The following SYN3 variants were observed in gnomAD, a reference collection of about 807,000 sequenced individuals.
The protein encoded by SYN3 is synapsin-3.
In SYN3, 35 loss-of-function variants were observed where a neutral mutation model predicts 65.8. The observed-to-expected ratio is 0.53, with a 90% confidence interval of 0.41 to 0.70. The LOEUF (loss-of-function observed/expected upper bound fraction) is 0.70. Among genes scored for constraint, SYN3 ranks in the 30% least tolerant of loss-of-function variants. The pLI is 0.00. For missense variants in SYN3, 680 were observed against 749.0 expected (o/e 0.91, Z 1.08); for synonymous variants, 270 against 292.9 (o/e 0.92, Z 0.80).
intron 12 of SYN3, among the ~76,000 whole-genome samples, chr22:32,520,159 A>G (rs1353713458): frequency 2.0e-5 from 3 of 152,082 alleles, no homozygotes; most frequent in Non-Finnish European, 4.4e-5. Flanking sequence ...ATAATTTTTA[A>G]TTAAAGAGAT....
intron 2 of SYN3, among the ~76,000 whole-genome samples, chr22:32,981,383 C>T (rs977264497): frequency 6.6e-6 from 1 of 151,338 alleles, no homozygotes; most frequent in African/African-American, 2.4e-5. Flanking sequence ...GTGAGGAGTT[C>T]GAGACCAGTC....
At chr22:32,765,786 C>A (rs1345039670) in intron 6 of SYN3, among the ~76,000 whole-genome samples, 1 of 152,158 alleles carries the variant, frequency 6.6e-6, no homozygotes, top group Non-Finnish European at 1.5e-5. Context: ...AGATCACACA[C>A]CACTGAATGC....
chr22:32,537,951 C>G, intron 9 of SYN3, 85 bp downstream of exon 9: 6,599 of 1,097,238 alleles, frequency 6.0e-3, no homozygotes, highest in Non-Finnish European at 8.4e-3. Flanking sequence ...GGCGGAGTGG[C>G]CTTCTCTTCA....
At chr22:32,578,926 T>G (rs2058895291) in intron 7 of SYN3, among the ~76,000 whole-genome samples, 1 of 152,206 alleles carries the variant, frequency 6.6e-6, no homozygotes, top group Non-Finnish European at 1.5e-5. Context: ...TGTGCACAAA[T>G]AAGCAGGGCC....
chr22:33,010,771 A>T (rs73162064), intron 1 of SYN3, among the ~76,000 whole-genome samples: 29,034 of 152,182 alleles, frequency 0.19, 2,870 homozygotes, highest in Non-Finnish European at 0.21. Context: ...TGAACACAGT[A>T]GACCCCTCTA....
intron 6 of SYN3, among the ~76,000 whole-genome samples, chr22:32,735,343 A>G (rs1452482531): frequency 6.6e-6 from 1 of 152,194 alleles, no homozygotes; most frequent in Admixed American, 6.5e-5. Context: ...TAATATATGT[A>G]AAGTGCTTAG....
rs531262638 is a variant in SYN3, at chr22:32,643,560, G to GA, written c.712-46825_712-46824insT. 1.5e-4 allele frequency among the ~76,000 whole-genome samples: 19 copies of GA among 126,666 alleles called. No homozygotes were observed. In the South Asian group the frequency reaches 5.0e-3, roughly 33 times the overall value. The allele number at this position is 126,666 out of a possible 152,430, so 83.1% of individuals were successfully genotyped here. On this transcript the variant is annotated intron_variant, in intron 6 of 13. Transcript: ENST00000358763. The stretch of plus-strand genomic sequence containing the variant: ...CAAATTAGAAATGGTGGGGGGGCGG[G>GA]GGGGGCAGAACAGACCCATAAAGGA...
At chr22:32,598,792 T>A (rs75992111) in intron 6 of SYN3, among the ~76,000 whole-genome samples, 4 of 150,930 alleles carry the variant, frequency 2.7e-5, no homozygotes, top group East Asian at 3.9e-4. Context: ...CCAGCCATAG[T>A]TTTTTTTTTC....
chr22:33,026,056 C>T (rs1351379773), intron 1 of SYN3, among the ~76,000 whole-genome samples: 1 of 152,188 alleles, frequency 6.6e-6, no homozygotes, highest in Non-Finnish European at 1.5e-5. Flanking sequence ...TCAAGCTGCA[C>T]CTTAGAGCCA....
At chr22:32,667,017 G>A (rs906086625) in intron 6 of SYN3, among the ~76,000 whole-genome samples, 4 of 152,158 alleles carry the variant, frequency 2.6e-5, no homozygotes, top group South Asian at 2.1e-4. Context: ...ATCTCCTCAC[G>A]GAACACAAGG....
chr22:32,722,242 G>T (rs2061129767), intron 6 of SYN3, among the ~76,000 whole-genome samples: 1 of 152,158 alleles, frequency 6.6e-6, no homozygotes, highest in Non-Finnish European at 1.5e-5. Context: ...GTACCCACAG[G>T]GTGGTGAGTT....
intron 6 of SYN3, among the ~76,000 whole-genome samples, chr22:32,661,832 C>T (rs2060221341): frequency 6.6e-6 from 1 of 152,184 alleles, no homozygotes; most frequent in African/African-American, 2.4e-5. Flanking sequence ...GAAACTGAGG[C>T]CTCAAGAGGG....
At position 33,032,082 on chromosome 22, in the gene SYN3, C is replaced by T. The variant is rs189333081; in HGVS notation, c.-162-25258G>A. On this transcript the variant is annotated intron_variant, in intron 1 of 13. Transcript: ENST00000358763. The stretch of plus-strand genomic sequence containing the variant: ...AAAATTAGCAGGGCGTGGTGGCGGG[C>T]GCCTGTAGTCCCAGCTACTCAGAAG... Among the ~76,000 whole-genome samples the T allele has an allele frequency of 6.3e-3, 950 of 151,452 alleles. 10 individuals are homozygous for T. Among genetic ancestry groups the T allele is most frequent in the African/African-American group, 0.022 (919 of 41,240 alleles).
chr22:32,597,112 G>A (rs1039530740), intron 6 of SYN3, among the ~76,000 whole-genome samples: 6 of 151,900 alleles, frequency 3.9e-5, no homozygotes, highest in East Asian at 1.9e-4. Context: ...AGTATCCCAC[G>A]GGGTTGCTGT....
At chr22:32,863,565 G>A (rs1292477688) in intron 6 of SYN3, among the ~76,000 whole-genome samples, 1 of 152,124 alleles carries the variant, frequency 6.6e-6, no homozygotes, top group Non-Finnish European at 1.5e-5. Flanking sequence ...ATACAGCAGG[G>A]CCTCTCACTG....
At chr22:32,742,718 G>C (rs2044811580) in intron 6 of SYN3, among the ~76,000 whole-genome samples, 1 of 152,136 alleles carries the variant, frequency 6.6e-6, no homozygotes, top group African/African-American at 2.4e-5. Context: ...TTATCCTACA[G>C]CCTTCCCATT....
intron 7 of SYN3, among the ~76,000 whole-genome samples, chr22:32,568,382 T>C (rs2058701670): frequency 1.3e-5 from 2 of 152,194 alleles, no homozygotes; most frequent in Non-Finnish European, 2.9e-5. Flanking sequence ...GGGAATACAG[T>C]CATAAATAAG....
At chr22:32,737,934 T>A (rs1483097798) in intron 6 of SYN3, among the ~76,000 whole-genome samples, 1 of 152,224 alleles carries the variant, frequency 6.6e-6, no homozygotes, top group Non-Finnish European at 1.5e-5. Flanking sequence ...GAGGATGTGG[T>A]GGCCAGATGC....
chr22:32,510,955 C>T lies in SYN3; in HGVS notation c.*2737G>A, dbSNP rs2057684180. Among the ~76,000 whole-genome samples the T allele has an allele frequency of 6.7e-6, 1 of 149,788 alleles. No individual in the cohort carries two copies. The highest frequency in any genetic ancestry group is 1.5e-5 in the Non-Finnish European group (1 of 67,810). On this transcript the variant is annotated 3_prime_UTR_variant, in exon 14 of 14. Transcript: ENST00000358763. ...CGAGGTGACAGGATTTTAGGATGTG[C>T]ATTTGTCAATTCCAAGTTATTGTCC...
Sources: gnomAD v4.1 joint callset for allele counts (sites outside exome capture counted in the v4.1 genomes callset) on GRCh38, gnomAD v4.1.1 for gene constraint, MANE v1.5 for transcripts, NCBI Gene and HGNC (gene_info 2026-07-23, HGNC 2026-07-21) for gene names.